The following MAP3K20 variants were observed in gnomAD, a reference collection of about 807,000 sequenced individuals.
MAP3K20 encodes mitogen-activated protein kinase kinase kinase 20.
MAP3K20 carries 40 observed loss-of-function variants against 85.7 expected under a neutral mutation model. That is an observed-to-expected ratio of 0.47 (90% CI 0.36 to 0.61). The LOEUF (loss-of-function observed/expected upper bound fraction) is 0.61, where lower values mean the gene tolerates loss of function less well. Ranked by LOEUF, MAP3K20 falls within the 20% of genes least tolerant of loss-of-function variation. MAP3K20 has a pLI of 0.00. For synonymous variants in MAP3K20, 325 were observed against 327.7 expected (o/e 0.99, Z 0.09); for missense variants, 817 against 961.7 (o/e 0.85, Z 1.99).
Position 173,266,029 on chromosome 2 carries a change from TCATTTC to T in MAP3K20, c.1703-14_1703-9del. On this transcript the variant is annotated splice_polypyrimidine_tract_variant and intron_variant, in intron 19 of 19. Transcript: ENST00000375213. Reference sequence around the variant, plus strand: ...AGCTTTAGTGTGGCTTAAAAGATGCTCATTTCCATTTCTCCCGCAGGTGCTGATTGC... The same window carrying T: ...AGCTTTAGTGTGGCTTAAAAGATGCTCATTTCTCCCGCAGGTGCTGATTGC... The T allele has an allele frequency of 6.5e-7, 1 of 1,545,316 alleles. No individual in the cohort carries two copies. The highest frequency in any genetic ancestry group is 8.8e-7 in the Non-Finnish European group (1 of 1,141,686).
At chr2:173,232,568 A>G in intron 14 of MAP3K20, 109 bp downstream of exon 14, 4 of 1,505,532 alleles carry the variant, frequency 2.7e-6, no homozygotes, top group Middle Eastern at 2.4e-4. Context: ...CAAAGGCACA[A>G]TCTTGGCTCG....
At chr2:173,121,564 T>G (rs1688289791) in intron 2 of MAP3K20, among the ~76,000 whole-genome samples, 1 of 151,878 alleles carries the variant, frequency 6.6e-6, no homozygotes. Context: ...TTTTTTTGTA[T>G]TTTTAGTAGA....
At chr2:173,098,291 AT>A (rs898939638) in intron 2 of MAP3K20, among the ~76,000 whole-genome samples, 2 of 152,216 alleles carry the variant, frequency 1.3e-5, no homozygotes, top group African/African-American at 4.8e-5. Context: ...CAGAGCTAAC[AT>A]TTTAATTTGG....
At chr2:173,090,498 G>C (rs1687262017) in intron 1 of MAP3K20, 1 of 424,520 alleles carries the variant, frequency 2.4e-6, no homozygotes, top group African/African-American at 2.1e-5. Context: ...TTTATTGTGT[G>C]TTCAGTTTGC....
At chr2:173,164,053 A>T (rs1179314945) in intron 2 of MAP3K20, among the ~76,000 whole-genome samples, 2 of 151,218 alleles carry the variant, frequency 1.3e-5, no homozygotes, top group Non-Finnish European at 2.9e-5. Context: ...TCCGCCTCCC[A>T]GGTTTAAACG....
chr2:173,266,425 G>T lies in MAP3K20; in HGVS notation c.2078G>T (p.Arg693Ile). The T allele has an allele frequency of 6.2e-7, 1 of 1,614,094 alleles. No individual in the cohort carries two copies. The highest frequency in any genetic ancestry group is 8.5e-7 in the Non-Finnish European group (1 of 1,180,014). The change falls in exon 20 of 20, where the codon AGA becomes ATA. Residue 693 changes from arginine (R) to isoleucine (I), a missense_variant. Physicochemically the swap from Arg to Ile is moderately conservative, Grantham distance 97. Transcript: ENST00000375213. Reference protein sequence around the residue: ...RGSISLNSSPRGRYSGKSQHS... With the variant: ...RGSISLNSSPIGRYSGKSQHS... ...AGTATATCACTCAATTCTTCTCCTA[G>T]AGGAAGATACAGTGGAAAGAGTCAG...
chr2:173,218,753 T>C (rs1298368763), intron 11 of MAP3K20, among the ~76,000 whole-genome samples: 1 of 152,264 alleles, frequency 6.6e-6, no homozygotes, highest in Non-Finnish European at 1.5e-5. Flanking sequence ...TCATATATGC[T>C]TCAGAACCTT....
At chr2:173,129,987 T>C (rs1688560009) in intron 2 of MAP3K20, among the ~76,000 whole-genome samples, 1 of 152,184 alleles carries the variant, frequency 6.6e-6, no homozygotes, top group Non-Finnish European at 1.5e-5. Context: ...CTCTCTAAAT[T>C]TGTTTAAGGA....
intron 17 of MAP3K20, among the ~76,000 whole-genome samples, chr2:173,260,085 G>A (rs1370697540): frequency 1.3e-5 from 2 of 152,176 alleles, no homozygotes; most frequent in Non-Finnish European, 2.9e-5. Context: ...AACTAGCCCA[G>A]GCTGGGTGCA....
chr2:173,099,108 C>T (rs571082967), intron 2 of MAP3K20, among the ~76,000 whole-genome samples: 1 of 152,236 alleles, frequency 6.6e-6, no homozygotes, highest in Non-Finnish European at 1.5e-5. Flanking sequence ...CTCTTAGAGG[C>T]CTTTAGGCTC....
At chr2:173,154,461 G>T (rs901079626) in intron 2 of MAP3K20, among the ~76,000 whole-genome samples, 9 of 152,114 alleles carry the variant, frequency 5.9e-5, no homozygotes, top group African/African-American at 2.2e-4. Flanking sequence ...TGGTATTATA[G>T]GCATGAGCCA....
chr2:173,196,913 T>C (rs1690861456), intron 7 of MAP3K20, among the ~76,000 whole-genome samples: 1 of 151,930 alleles, frequency 6.6e-6, no homozygotes, highest in South Asian at 2.1e-4. Context: ...AGCAGGTTCA[T>C]AGTCTGGCTC....
intron 11 of MAP3K20, chr2:173,223,102 T>C: frequency 1.0e-6 from 1 of 985,440 alleles, no homozygotes. Context: ...GTGTTTCTAA[T>C]GCCCCTTGAG....
chr2:173,220,067 C>CAAAA lies in MAP3K20; in HGVS notation c.987+2825_987+2828dup, dbSNP rs71018543. On this transcript the variant is annotated intron_variant, in intron 11 of 19. Transcript: ENST00000375213. ...TGGGCAACAGTGCTAGACTCTGTCT[C>CAAAA]AAAAAAAAAAAGGAAACTGATCCTG... Among the ~76,000 whole-genome samples the CAAAA allele has an allele frequency of 3.4e-4, 39 of 114,224 alleles. 2 individuals carry two copies. In the East Asian group the frequency reaches 5.4e-3, roughly 16 times the overall value. The allele number at this position is 114,224 out of a possible 152,430, so 74.9% of individuals were successfully genotyped here.
At chr2:173,092,510 G>A (rs1184677887) in intron 2 of MAP3K20, among the ~76,000 whole-genome samples, 2 of 152,150 alleles carry the variant, frequency 1.3e-5, no homozygotes, top group Non-Finnish European at 2.9e-5. Flanking sequence ...GTATTAAGCT[G>A]CCCCAGGAGG....
intron 1 of MAP3K20, among the ~76,000 whole-genome samples, chr2:173,083,263 G>A (rs1347253431): frequency 1.3e-5 from 2 of 152,108 alleles, no homozygotes; most frequent in Non-Finnish European, 2.9e-5. Flanking sequence ...ATTTTTCTAG[G>A]AGCAGCCTTG....
intron 3 of MAP3K20, among the ~76,000 whole-genome samples, chr2:173,172,090 A>G (rs1191265188): frequency 3.3e-5 from 5 of 152,192 alleles, no homozygotes; most frequent in Non-Finnish European, 5.9e-5. Context: ...AACTGAGTCC[A>G]GTTTGGGAGT....
At chr2:173,219,787 G>T (rs1033887702) in intron 11 of MAP3K20, among the ~76,000 whole-genome samples, 1 of 152,096 alleles carries the variant, frequency 6.6e-6, no homozygotes, top group Admixed American at 6.5e-5. Flanking sequence ...AGGAAATTGA[G>T]GCCAGGCGCA....
At chr2:173,223,192 G>T (rs1231410233) in intron 11 of MAP3K20, 2 of 985,446 alleles carry the variant, frequency 2.0e-6, no homozygotes, top group Non-Finnish European at 2.4e-6. Flanking sequence ...AGTTCTGGGT[G>T]TGAGGTGTAC....
Sources: allele counts gnomAD v4.1 joint callset (sites outside exome capture counted in the v4.1 genomes callset), GRCh38; gene constraint gnomAD v4.1.1; transcripts MANE v1.5; gene names NCBI Gene and HGNC (gene_info 2026-07-23, HGNC 2026-07-21).